The following MYOM1 variants were observed in gnomAD, a reference collection of about 807,000 sequenced individuals.
MYOM1 encodes myomesin 1.
In MYOM1, 164 loss-of-function variants were observed where a neutral mutation model predicts 205.3. That is an observed-to-expected ratio of 0.80 (90% confidence interval 0.70 to 0.91). The LOEUF is 0.91. Among genes scored for constraint, MYOM1 ranks in the 40% least tolerant of loss-of-function variants. The pLI is 0.00. For missense variants in MYOM1, 2,011 were observed against 2,127.3 expected, an observed-to-expected ratio of 0.95 and a Z score of 1.08; for synonymous variants, 772 against 789.4, an observed-to-expected ratio of 0.98 and a Z score of 0.37.
chr18:3,143,578 G>A (rs2080081990), intron 13 of MYOM1, among the ~76,000 whole-genome samples: 1 of 152,076 alleles, frequency 6.6e-6, no homozygotes, highest in South Asian at 2.1e-4. Flanking sequence ...GACAATAACA[G>A]CACCAAGGCT....
At chr18:3,132,038 T>C (rs2079883497) in intron 16 of MYOM1, among the ~76,000 whole-genome samples, 1 of 147,498 alleles carries the variant, frequency 6.8e-6, no homozygotes, top group African/African-American at 2.5e-5. Context: ...TTATTATATA[T>C]ATGTATATAT....
intron 21 of MYOM1, among the ~76,000 whole-genome samples, chr18:3,112,905 A>G (rs569878688): frequency 1.3e-5 from 2 of 152,346 alleles, no homozygotes; most frequent in East Asian, 3.9e-4. Context: ...GTTTAAAAGC[A>G]TGTTAAACTA....
In MYOM1 at chr18:3,174,181, G is replaced by A; in HGVS notation, c.1050C>T (p.Tyr350=). ...NGCDFEDTAQ[Y]RASAMNVKGE... is the part of the protein sequence containing the mutation. ...CTTTAACATTCATCGCCGAGGCCCG[G>A]TACTGAGCTGTATCTTCAAAATCAC... Residue 350 remains tyrosine (Y), a synonymous_variant, in exon 7 of 38, where the codon TAC becomes TAT. Coordinates refer to ENST00000356443, the MANE Select transcript of MYOM1 (RefSeq NM_003803.4). The A allele has an allele frequency of 6.2e-7, 1 of 1,613,932 alleles. No homozygotes were observed. Among genetic ancestry groups the A allele is most frequent in the Non-Finnish European group, 8.5e-7 (1 of 1,179,852 alleles).
chr18:3,129,256 G>A lies in MYOM1; in HGVS notation c.2770C>T (p.Pro924Ser). The A allele has an allele frequency of 3.1e-6, 5 of 1,613,834 alleles. No individual in the cohort carries two copies. The highest frequency in any genetic ancestry group is 2.5e-6 in the Non-Finnish European group (3 of 1,179,824). ...AAPQGKSKSD[P>S]LKKKTDRAPP... ...CCTCTGTCTGTCTTCTTTTTCAGGG[G>A]GTCAGACTTACTTTTCCCCTGAGGA... Residue 924 changes from proline (P) to serine (S), a missense_variant, in exon 18 of 38, where the codon CCC (proline) becomes TCC (serine). Pro to Ser is a moderately conservative substitution (Grantham distance 74, BLOSUM62 -1). Transcript: ENST00000356443.
intron 2 of MYOM1, among the ~76,000 whole-genome samples, chr18:3,207,305 G>A (rs983303394): frequency 2.0e-5 from 3 of 151,978 alleles, no homozygotes; most frequent in African/African-American, 7.3e-5. Flanking sequence ...GAATTTAATC[G>A]GACTACATTA....
At chr18:3,143,548 A>G (rs2080081767) in intron 13 of MYOM1, among the ~76,000 whole-genome samples, 1 of 152,188 alleles carries the variant, frequency 6.6e-6, no homozygotes, top group Admixed American at 6.5e-5. Flanking sequence ...GTTTACCATA[A>G]ATATGCAAAT....
At chr18:3,121,175 G>A (rs2143838760) in intron 19 of MYOM1, among the ~76,000 whole-genome samples, 1 of 152,268 alleles carries the variant, frequency 6.6e-6, no homozygotes, top group East Asian at 1.9e-4. Flanking sequence ...TTAGTTTTGG[G>A]AGAAGTGCAG....
chr18:3,088,183 C>T (rs937477870), intron 29 of MYOM1, among the ~76,000 whole-genome samples: 6 of 152,152 alleles, frequency 3.9e-5, no homozygotes, highest in African/African-American at 1.4e-4. Context: ...ACCAGAGCTC[C>T]TCTGGTGCAG....
At chr18:3,171,407 G>GA (rs1177553515) in intron 8 of MYOM1, among the ~76,000 whole-genome samples, 2 of 152,290 alleles carry the variant, frequency 1.3e-5, no homozygotes, top group East Asian at 3.9e-4. Flanking sequence ...GACTCAGCTG[G>GA]AAAGGCAAGT....
In MYOM1 at chr18:3,085,045, C is replaced by T; in HGVS notation, c.4339G>A (p.Ala1447Thr). Residue 1447 changes from alanine to threonine, a missense_variant and splice_region_variant, in exon 31 of 38, where the codon GCC (alanine) becomes ACC (threonine). Ala to Thr is a moderately conservative substitution (Grantham distance 58). Coordinates refer to ENST00000356443, the MANE Select transcript of MYOM1 (RefSeq NM_003803.4). ...DKSRLKLVDEAFKELMMEVCK... is the reference protein window; with the variant it reads ...DKSRLKLVDETFKELMMEVCK... ...AGACCCCAGCAGTTGGTGGACTGAC[C>T]TTCATCCACAAGCTTCAGTCTGCTC... 1 of 1,601,012 alleles carries T rather than the reference C, an allele frequency of 6.2e-7. No individual in the cohort carries two copies. The highest frequency in any genetic ancestry group is 2.2e-5 in the East Asian group (1 of 44,550).
rs187297135 is a variant in MYOM1, at chr18:3,190,071, T to C, written c.432-984A>G. 1.5e-3 allele frequency among the ~76,000 whole-genome samples: 228 copies of C among 152,046 alleles called. 1 individual carries two copies. The highest frequency in any genetic ancestry group is 5.2e-3 in the African/African-American group (217 of 41,348). ...CTTGTGATGGAAGTGGTGACGTTTA[T>C]AAATGTGACTCGTTATTATTCATAA... is the stretch of plus-strand genomic sequence containing the variant. On this transcript the variant is annotated intron_variant, in intron 3 of 37. Coordinates refer to ENST00000356443, the MANE Select transcript of MYOM1 (RefSeq NM_003803.4).
chr18:3,139,524 G>T (rs780320348), intron 14 of MYOM1, among the ~76,000 whole-genome samples: 1 of 152,196 alleles, frequency 6.6e-6, no homozygotes, highest in Admixed American at 6.5e-5. Flanking sequence ...GGGCATCCTG[G>T]AACAGACGCA....
At chr18:3,216,843 T>A (rs2081274003) in intron 1 of MYOM1, 1 of 152,216 alleles carries the variant, frequency 6.6e-6, no homozygotes, top group African/African-American at 2.4e-5. Flanking sequence ...AGGGCTGAGT[T>A]GTATCCTCTC....
chr18:3,100,561 T>C, intron 23 of MYOM1, 135 bp from the exon 24 acceptor site: 1 of 665,136 alleles, frequency 1.5e-6, no homozygotes, highest in Non-Finnish European at 2.7e-6. Context: ...AGCTACAGCC[T>C]ACATGTTCTT....
At chr18:3,141,280 C>T (rs1418053906) in intron 14 of MYOM1, among the ~76,000 whole-genome samples, 3 of 152,208 alleles carry the variant, frequency 2.0e-5, no homozygotes, top group African/African-American at 4.8e-5. Context: ...GTGTTTGATT[C>T]ACATACCGTT....
Position 3,188,931 on chromosome 18 carries a change from G to A in MYOM1, c.588C>T (p.Ser196=), listed in dbSNP as rs116496572. 85 of 1,611,100 alleles carry A rather than the reference G, an allele frequency of 5.3e-5. No homozygotes were observed. In the African/African-American group the frequency reaches 1.0e-3, roughly 19 times the overall value. ...ATGCTGTGGACTGCTTGGATGCCGTGGACTGCTTAGATGCCGTGGTCTGCT... is the reference window on the plus strand; with the variant it reads ...ATGCTGTGGACTGCTTGGATGCCGTAGACTGCTTAGATGCCGTGGTCTGCT... ...ASKQTTASKQ[S]TASKQSTASK... is the part of the protein sequence containing the mutation. The change falls in exon 4 of 38, where the codon TCC becomes TCT. Residue 196 remains serine (S), a synonymous_variant. Transcript: ENST00000356443.
chr18:3,089,178 C>T lies in MYOM1; in HGVS notation c.4133G>A (p.Cys1378Tyr). Reference sequence around the variant, plus strand: ...AAAAATTTATCTACCTCTTACCTTGCATTTCAATAGTACATTACATTCACC... The same window carrying T: ...AAAAATTTATCTACCTCTTACCTTGTATTTCAATAGTACATTACATTCACC... Reference protein sequence around the residue: ...VTGECNVLLKCKVANIKKETH... With the variant: ...VTGECNVLLKYKVANIKKETH... The change falls in exon 29 of 38, where the codon TGC (cysteine) becomes TAC (tyrosine). Residue 1378 changes from cysteine to tyrosine, a missense_variant. Physicochemically the swap from Cys to Tyr is radical, Grantham distance 194. Coordinates refer to ENST00000356443, the MANE Select transcript of MYOM1 (RefSeq NM_003803.4). The T allele has an allele frequency of 6.2e-7, 1 of 1,606,338 alleles. No homozygotes were observed. The highest frequency in any genetic ancestry group is 2.2e-5 in the East Asian group (1 of 44,668).
At chr18:3,193,730 A>C (rs2080952353) in intron 3 of MYOM1, 88 bp downstream of exon 3, 1 of 1,351,812 alleles carries the variant, frequency 7.4e-7, no homozygotes, top group South Asian at 1.5e-5. Context: ...TAATCTGTCC[A>C]CAACAATTAT....
intron 13 of MYOM1, among the ~76,000 whole-genome samples, chr18:3,147,160 A>AAT (rs1301739378): frequency 2.7e-5 from 4 of 145,638 alleles, no homozygotes; most frequent in Middle Eastern, 3.6e-3. Flanking sequence ...ATTATATAGA[A>AAT]ATATATATAT....
Sources: allele counts gnomAD v4.1 joint callset (sites outside exome capture counted in the v4.1 genomes callset), GRCh38; gene constraint gnomAD v4.1.1; transcripts MANE v1.5; gene names NCBI Gene and HGNC (gene_info 2026-07-23, HGNC 2026-07-21).